DENND1A: variants seen among roughly 807,000 people sequenced by gnomAD.
DENND1A encodes the protein DENN domain containing 1A.
A neutral mutation model predicts 113.7 loss-of-function variants in DENND1A; 51 were observed. That is an observed-to-expected ratio of 0.45 (90% CI 0.36 to 0.57). The LOEUF (loss-of-function observed/expected upper bound fraction) is 0.57, where lower values mean the gene tolerates loss of function less well. Ranked by LOEUF, DENND1A falls within the 20% of genes least tolerant of loss-of-function variation. The probability of loss-of-function intolerance (pLI) is 0.00; values close to 1 mark genes in which losing one functional copy is unlikely to be tolerated. For missense variants in DENND1A, 1,258 were observed against 1,395.9 expected, an observed-to-expected ratio of 0.90 and a Z score of 1.57; for synonymous variants, 565 against 570.8, an observed-to-expected ratio of 0.99 and a Z score of 0.14.
Position 123,863,231 on chromosome 9 carries a change from G to A in DENND1A, c.88+15720C>T, listed in dbSNP as rs151069514. Reference sequence around the variant, plus strand: ...CCCAGGAAAATTAGGATGGCACTATGAGGACCAGAACACAAAGTAGGAAGT... The same window carrying A: ...CCCAGGAAAATTAGGATGGCACTATAAGGACCAGAACACAAAGTAGGAAGT... On this transcript the variant is annotated intron_variant, in intron 2 of 23. Transcript: ENST00000394215. Among the ~76,000 whole-genome samples, 745 of 152,238 alleles carry A rather than the reference G, an allele frequency of 4.9e-3. 2 individuals are homozygous for A. Among genetic ancestry groups the A allele is most frequent in the African/African-American group, 0.018 (729 of 41,530 alleles).
At chr9:123,518,861 T>C (rs112659669) in intron 13 of DENND1A, among the ~76,000 whole-genome samples, 1 of 152,276 alleles carries the variant, frequency 6.6e-6, no homozygotes, top group African/African-American at 2.4e-5. Flanking sequence ...AAATATAAAA[T>C]TAACTGTGTC....
At chr9:123,524,889 G>A (rs1051415405) in intron 13 of DENND1A, among the ~76,000 whole-genome samples, 3 of 152,216 alleles carry the variant, frequency 2.0e-5, no homozygotes, top group African/African-American at 7.2e-5. Context: ...TACCTTGCAG[G>A]AGGAGATGGG....
intron 8 of DENND1A, 49 bp from the exon 9 acceptor site, chr9:123,652,172 A>C: frequency 7.0e-7 from 1 of 1,429,542 alleles, no homozygotes; most frequent in Non-Finnish European, 9.8e-7. Context: ...CTTTGTTCTT[A>C]TTATAACTGT....
At position 123,928,478 on chromosome 9, in the gene DENND1A, C is replaced by A. The variant is rs536875231; in HGVS notation, c.17+1411G>T. On this transcript the variant is annotated intron_variant, in intron 1 of 23. Transcript: ENST00000394215. ...AATCCCAATGTTTCACAAACGACAT[C>A]TTTTTACCTCCCAAGCCTCTCAAGC... The A allele has an allele frequency of 1.4e-5, 12 of 857,092 alleles. 1 individual carries two copies. The highest frequency in any genetic ancestry group is 5.9e-4 in the Middle Eastern group (1 of 1,698). The allele number at this position is 857,092 out of a possible 1,614,324, so 53.1% of individuals were successfully genotyped here. A position where few individuals can be genotyped will look rare whatever the true frequency, so the allele number is the denominator to read the frequency against.
At chr9:123,514,206 A>C (rs1239629713) in intron 13 of DENND1A, among the ~76,000 whole-genome samples, 2 of 151,726 alleles carry the variant, frequency 1.3e-5, no homozygotes, top group Non-Finnish European at 1.5e-5. Flanking sequence ...TGCTTATCAG[A>C]CCTTGAATGG....
At chr9:123,669,237 A>G (rs1276544985) in intron 7 of DENND1A, among the ~76,000 whole-genome samples, 3 of 152,152 alleles carry the variant, frequency 2.0e-5, no homozygotes, top group Non-Finnish European at 4.4e-5. Flanking sequence ...ACATTTCAGG[A>G]TGTATAACCT....
chr9:123,643,082 C>G (rs2062114138), intron 9 of DENND1A, among the ~76,000 whole-genome samples: 1 of 152,066 alleles, frequency 6.6e-6, no homozygotes, highest in African/African-American at 2.4e-5. Context: ...TCTCCATGTT[C>G]CACTCGAATA....
rs869154918 is a variant in DENND1A, at chr9:123,903,331, C to CAAAAAAAA, written c.18-24318_18-24311dup. ...TGGGCGACAGAGCGAGACTCCGTCT[C>CAAAAAAAA]AAAAAAAAAAAAAAAAAAAAAAAAA... On this transcript the variant is annotated intron_variant, in intron 1 of 23. Transcript: ENST00000394215. Among the ~76,000 whole-genome samples, 45 of 27,006 alleles carry CAAAAAAAA rather than the reference C, an allele frequency of 1.7e-3. 2 individuals carry two copies. The highest frequency in any genetic ancestry group is 3.7e-3 in the African/African-American group (32 of 8,610). 17.7% of individuals were successfully genotyped at this position (27,006 alleles called of 152,430 possible). A position where few individuals can be genotyped will look rare whatever the true frequency, so the allele number is the denominator to read the frequency against.
chr9:123,599,061 T>C (rs766959336), intron 11 of DENND1A, among the ~76,000 whole-genome samples: 9 of 152,378 alleles, frequency 5.9e-5, no homozygotes, highest in Non-Finnish European at 4.4e-5. Flanking sequence ...CTGTTCATCA[T>C]ACTTCAGAAA....
At chr9:123,872,206 T>C (rs1846735667) in intron 2 of DENND1A, among the ~76,000 whole-genome samples, 1 of 152,180 alleles carries the variant, frequency 6.6e-6, no homozygotes. Flanking sequence ...AAGAACAAAG[T>C]AGATCAAAGA....
chr9:123,524,030 TA>T (rs969695168), intron 13 of DENND1A, among the ~76,000 whole-genome samples: 1 of 152,150 alleles, frequency 6.6e-6, no homozygotes, highest in Admixed American at 6.6e-5. Flanking sequence ...CATGTGGTAT[TA>T]GAGAAAAAGA....
intron 10 of DENND1A, among the ~76,000 whole-genome samples, chr9:123,614,454 G>C (rs1286255698): frequency 6.6e-6 from 1 of 152,162 alleles, no homozygotes; most frequent in African/African-American, 2.4e-5. Flanking sequence ...TGTAGTCCTT[G>C]TTCATTATTA....
chr9:123,532,264 A>G (rs565248728), intron 13 of DENND1A, among the ~76,000 whole-genome samples: 67 of 152,368 alleles, frequency 4.4e-4, no homozygotes, highest in South Asian at 6.2e-4. Context: ...TAGTGCGATG[A>G]TCAAAATTAG....
Position 123,459,985 on chromosome 9 carries a change from A to G in DENND1A, c.994-2088T>C, listed in dbSNP as rs2048406406. ...GAGGCAGCTTATATGAGCATCTAAA[A>G]CAACAAAGAAAAACATCAGGGCTGC... is the stretch of plus-strand genomic sequence containing the variant. On this transcript the variant is annotated intron_variant, in intron 13 of 23. Transcript: ENST00000394215. Among the ~76,000 whole-genome samples, 3 of 152,244 alleles carry G rather than the reference A, an allele frequency of 2.0e-5. No homozygotes were observed. In the South Asian group the frequency reaches 6.2e-4, roughly 31 times the overall value.
intron 2 of DENND1A, among the ~76,000 whole-genome samples, chr9:123,873,765 C>T (rs1489059264): frequency 1.0e-4 from 15 of 149,262 alleles, no homozygotes; most frequent in Non-Finnish European, 1.6e-4. Context: ...TTTTTTGAGA[C>T]GGAGTCTCAC....
At position 123,928,601 on chromosome 9, in the gene DENND1A, C is replaced by G. The variant is rs534729411; in HGVS notation, c.17+1288G>C. The G allele has an allele frequency of 1.3e-5, 13 of 985,368 alleles. No individual in the cohort carries two copies. The African/African-American group carries it at 2.3e-4, about 17-fold the overall frequency. The allele number at this position is 985,368 out of a possible 1,614,324, so 61.0% of individuals were successfully genotyped here. A position where few individuals can be genotyped will look rare whatever the true frequency, so the allele number is the denominator to read the frequency against. On this transcript the variant is annotated intron_variant, in intron 1 of 23. Coordinates refer to ENST00000394215, the MANE Select transcript of DENND1A (RefSeq NM_001352964.2). Reference sequence around the variant, plus strand: ...ACTCTTCCATTTTCATTACCATAAGCAAACTTTTCTAGTTTCATTCAGCAG... The same window carrying G: ...ACTCTTCCATTTTCATTACCATAAGGAAACTTTTCTAGTTTCATTCAGCAG...
chr9:123,656,164 C>G (rs10818853), intron 8 of DENND1A, among the ~76,000 whole-genome samples: 51,846 of 151,682 alleles, frequency 0.34, 9,881 homozygotes, highest in African/African-American at 0.51. Flanking sequence ...CTCAGTGGAC[C>G]AGGGAAGAAG....
At chr9:123,876,531 C>T (rs934494918) in intron 2 of DENND1A, among the ~76,000 whole-genome samples, 24 of 152,156 alleles carry the variant, frequency 1.6e-4, no homozygotes, top group African/African-American at 4.8e-4. Context: ...CTTAAATGAT[C>T]CAGCAATAAT....
intron 18 of DENND1A, among the ~76,000 whole-genome samples, chr9:123,445,627 T>C (rs1053421661): frequency 2.0e-5 from 3 of 152,178 alleles, no homozygotes; most frequent in Non-Finnish European, 2.9e-5. Flanking sequence ...TCCCAGCATG[T>C]TGGGAGGCCG....
Sources: gnomAD v4.1 joint callset for allele counts (sites outside exome capture counted in the v4.1 genomes callset) on GRCh38, gnomAD v4.1.1 for gene constraint, MANE v1.5 for transcripts, NCBI Gene and HGNC (gene_info 2026-07-23, HGNC 2026-07-21) for gene names.